The following RPE65 variants were observed in gnomAD, a reference collection of about 807,000 sequenced individuals.
The protein encoded by RPE65 is retinoid isomerohydrolase.
A neutral mutation model predicts 68.5 loss-of-function variants in RPE65; 58 were observed. The ratio of observed to expected loss-of-function variants is 0.85; its 90% CI spans 0.69 to 1.05. RPE65 has a LOEUF of 1.05. Among genes scored for constraint, RPE65 ranks in the 50% least tolerant of loss-of-function variants. The pLI, the probability that RPE65 is intolerant of heterozygous loss-of-function variation, is 0.00. For missense variants in RPE65, 643 were observed against 629.9 expected, an observed-to-expected ratio of 1.02 and a Z score of -0.22; for synonymous variants, 220 against 222.2, an observed-to-expected ratio of 0.99 and a Z score of 0.09.
chr1:68,444,815 G>A lies in RPE65; in HGVS notation c.314C>T (p.Thr105Ile), dbSNP rs1260914084. 2 of 1,614,034 alleles carry A rather than the reference G, an allele frequency of 1.2e-6. No homozygotes were observed. The highest frequency in any genetic ancestry group is 3.3e-5 in the Admixed American group (2 of 59,998). Residue 105 changes from threonine to isoleucine, a missense_variant, in exon 4 of 14, where the codon ACC becomes ATC. Transcript: ENST00000262340. ...EKRIVITEFG[T>I]CAFPDPCKNI... Reference sequence around the variant, plus strand: ...CTTGCAGGGATCTGGGAAAGCACAGGTGCCAAATTCTGTTATGACGATCCT... The same window carrying A: ...CTTGCAGGGATCTGGGAAAGCACAGATGCCAAATTCTGTTATGACGATCCT...
In RPE65 at chr1:68,442,201, G is replaced by A. The variant is rs114256657; in HGVS notation, c.496-1201C>T. 1.6e-3 allele frequency among the ~76,000 whole-genome samples: 247 copies of A among 152,286 alleles called. 4 individuals carry two copies. Among genetic ancestry groups the A allele is most frequent in the African/African-American group, 5.6e-3 (233 of 41,570 alleles). ...GTGTGCAATGGCATCGTAGAGAAGCGCCATCTAGCCCAGACTGAGGGATGA... is the reference window on the plus strand; with the variant it reads ...GTGTGCAATGGCATCGTAGAGAAGCACCATCTAGCCCAGACTGAGGGATGA... On this transcript the variant is annotated intron_variant, in intron 5 of 13. Transcript: ENST00000262340.
intron 3 of RPE65, among the ~76,000 whole-genome samples, chr1:68,445,264 A>G (rs1051332708): frequency 1.3e-5 from 2 of 152,158 alleles, no homozygotes; most frequent in African/African-American, 4.8e-5. Context: ...CCTATAACCT[A>G]TCAACCTAAA....
At chr1:68,439,525 G>A (rs1221289180) in intron 7 of RPE65, 36 bp downstream of exon 7, 6 of 1,605,376 alleles carry the variant, frequency 3.7e-6, no homozygotes, top group Non-Finnish European at 5.1e-6. Context: ...TTAAACTTGA[G>A]TTTTCCTGAA....
intron 6 of RPE65, among the ~76,000 whole-genome samples, 173 bp downstream of exon 6, chr1:68,440,680 C>T (rs953376517): frequency 6.6e-6 from 1 of 151,832 alleles, no homozygotes; most frequent in African/African-American, 2.4e-5. Context: ...GATATGATGC[C>T]CTTGGGCATT....
At chr1:68,438,422 A>G (rs1645876169) in intron 9 of RPE65, 106 bp from the exon 10 acceptor site, 13 of 1,334,228 alleles carry the variant, frequency 9.7e-6, no homozygotes, top group African/African-American at 1.5e-5. Flanking sequence ...TTTATTCCAC[A>G]ACCCAGAAAC....
chr1:68,430,146 G>C (rs1311526695), intron 13 of RPE65, among the ~76,000 whole-genome samples: 1 of 152,082 alleles, frequency 6.6e-6, no homozygotes, highest in Admixed American at 6.6e-5. Context: ...CTCTAAGAAG[G>C]GAGAGTCTTG....
intron 10 of RPE65, among the ~76,000 whole-genome samples, chr1:68,433,601 G>C (rs192083751): frequency 6.6e-6 from 1 of 152,240 alleles, no homozygotes; most frequent in Admixed American, 6.5e-5. Flanking sequence ...GGTGGTAAAA[G>C]TTTAAAGAGA....
At chr1:68,444,718 G>T in intron 4 of RPE65, 46 bp from the exon 5 acceptor site, 1 of 1,614,012 alleles carries the variant, frequency 6.2e-7, no homozygotes, top group East Asian at 2.2e-5. Flanking sequence ...TTCAAGCCAT[G>T]AGAGAAAAAG....
In RPE65 at chr1:68,439,104, T is replaced by C. The variant is rs74081924; in HGVS notation, c.859-23A>G. 1,381 of 1,613,968 alleles carry C rather than the reference T, an allele frequency of 8.6e-4. 15 individuals are homozygous for C. The African/African-American group carries it at 0.016, about 19-fold the overall frequency. ...AACCTTGAAAAATGAGGAAAATATT[T>C]TGATGCATTTAAAAAGGAAAAAAGT... On this transcript the variant is annotated intron_variant, in intron 8 of 13. Transcript: ENST00000262340.
rs1553153597 is a variant in RPE65 at position 68,446,740 on chromosome 1, A to G, written c.215T>C (p.Phe72Ser). The G allele has an allele frequency of 1.1e-5, 18 of 1,614,136 alleles. No homozygotes were observed. The highest frequency in any genetic ancestry group is 1.5e-5 in the Non-Finnish European group (18 of 1,180,044). The change falls in exon 3 of 14, where the codon TTT becomes TCT. Residue 72 changes from phenylalanine to serine, a missense_variant. Physicochemically the swap from Phe to Ser is radical, Grantham distance 155. Transcript: ENST00000262340. ...DGQALLHKFD[F>S]KEGHVTYHRR... ...GTGGTATGTGACATGTCCTTCTTTA[A>G]AGTCAAACTTGTGCAGGAGGGCTTG...
intron 13 of RPE65, 57 bp downstream of exon 13, chr1:68,431,008 C>A (rs1219694219): frequency 2.9e-6 from 4 of 1,382,710 alleles, no homozygotes; most frequent in Admixed American, 1.7e-5. Flanking sequence ...TCCTAACGAA[C>A]TAACATACAG....
intron 10 of RPE65, among the ~76,000 whole-genome samples, chr1:68,435,475 T>C (rs943963641): frequency 1.3e-5 from 2 of 152,208 alleles, no homozygotes; most frequent in African/African-American, 4.8e-5. Context: ...ACCTTCACTG[T>C]CTTTCCATTA....
At chr1:68,439,667 CT>C (rs1557600492) in intron 6 of RPE65, 25 bp from the exon 7 acceptor site, 1 of 1,590,514 alleles carries the variant, frequency 6.3e-7, no homozygotes, top group East Asian at 2.2e-5. Flanking sequence ...TTTTAAAAGG[CT>C]TTGGAAGAGC....
At chr1:68,430,386 A>G (rs1291621531) in intron 13 of RPE65, among the ~76,000 whole-genome samples, 2 of 152,240 alleles carry the variant, frequency 1.3e-5, no homozygotes, top group African/African-American at 4.8e-5. Context: ...TCGATCTGGA[A>G]GCTGACTTCC....
chr1:68,446,911 G>C (rs1385336553), intron 2 of RPE65, 51 bp from the exon 3 acceptor site: 1 of 1,611,782 alleles, frequency 6.2e-7, no homozygotes, highest in African/African-American at 1.3e-5. Flanking sequence ...CCTTGGGCTA[G>C]GCTTGTCCTT....
chr1:68,437,093 A>G (rs1201129376), intron 10 of RPE65, among the ~76,000 whole-genome samples: 1 of 152,198 alleles, frequency 6.6e-6, no homozygotes, highest in Non-Finnish European at 1.5e-5. Flanking sequence ...TAACTTTCTG[A>G]ATCACAGATC....
In RPE65 at chr1:68,448,610, T is replaced by C. The variant is rs1178653440; in HGVS notation, c.94+14A>G. The C allele has an allele frequency of 1.2e-6, 2 of 1,613,036 alleles. No homozygotes were observed. Among genetic ancestry groups the C allele is most frequent in the Admixed American group, 1.7e-5 (1 of 59,982 alleles). On this transcript the variant is annotated intron_variant, in intron 2 of 13. Coordinates refer to ENST00000262340, the MANE Select transcript of RPE65 (RefSeq NM_000329.3). ...GACATAAAAGAGGATGGCTTCAAGA[T>C]GGGCGAGACCAACCTGTTACATGAG...
At chr1:68,440,788 C>A in intron 6 of RPE65, 65 bp downstream of exon 6, 1 of 1,583,406 alleles carries the variant, frequency 6.3e-7, no homozygotes, top group Non-Finnish European at 8.7e-7. Context: ...ATCTTTCTCA[C>A]AATACAGTAA....
At chr1:68,434,243 G>A (rs936500881) in intron 10 of RPE65, among the ~76,000 whole-genome samples, 17 of 151,932 alleles carry the variant, frequency 1.1e-4, no homozygotes, top group African/African-American at 4.1e-4. Flanking sequence ...AAAGAAGAAG[G>A]ACCTCTACCC....
Sources: allele counts gnomAD v4.1 joint callset (sites outside exome capture counted in the v4.1 genomes callset), GRCh38; gene constraint gnomAD v4.1.1; transcripts MANE v1.5; gene names NCBI Gene and HGNC (gene_info 2026-07-23, HGNC 2026-07-21).